The following ZNF415 variants were observed in gnomAD, a reference collection of about 807,000 sequenced individuals.
ZNF415 encodes the protein zinc finger protein 415.
ZNF415 carries 5 observed loss-of-function variants against 7.3 expected under a neutral mutation model. That is an observed-to-expected ratio of 0.69 (90% CI 0.36 to 1.44). The LOEUF (loss-of-function observed/expected upper bound fraction) is 1.44, where lower values mean the gene tolerates loss of function less well. ZNF415 is among the 40% of genes most tolerant of loss of function. ZNF415 has a pLI of 0.04. For missense variants in ZNF415, 628 were observed against 664.8 expected (o/e 0.94, Z 0.61); for synonymous variants, 207 against 226.3 (o/e 0.91, Z 0.77).
At chr19:53,122,421 C>G (rs1471511996) in intron 2 of ZNF415, 4 of 1,537,790 alleles carry the variant, frequency 2.6e-6, no homozygotes, top group East Asian at 2.4e-5. Flanking sequence ...CCATCCATGT[C>G]TGGGTGTGAG....
chr19:53,123,612 A>C (rs2088521865), intron 1 of ZNF415: 1 of 398,968 alleles, frequency 2.5e-6, no homozygotes, highest in East Asian at 3.6e-5. Context: ...GCTGGAGCAG[A>C]GGGAGCGAGG....
intron 2 of ZNF415, among the ~76,000 whole-genome samples, chr19:53,119,240 C>A (rs1473514240): frequency 6.6e-6 from 1 of 151,848 alleles, no homozygotes; most frequent in African/African-American, 2.4e-5. Flanking sequence ...CCAGACCGAG[C>A]CACTGCACTC....
intron 2 of ZNF415, among the ~76,000 whole-genome samples, chr19:53,118,801 T>C (rs1442468680): frequency 6.6e-6 from 1 of 150,888 alleles, no homozygotes; most frequent in Non-Finnish European, 1.5e-5. Context: ...ACAAAAGCAA[T>C]GCTAAGAGGG....
intron 3 of ZNF415, among the ~76,000 whole-genome samples, chr19:53,114,180 G>T (rs1053175037): frequency 6.6e-6 from 1 of 152,008 alleles, no homozygotes; most frequent in African/African-American, 2.4e-5. Flanking sequence ...TCAAAAGCTG[G>T]GTTTGTTTTT....
In ZNF415 at chr19:53,127,320, G is replaced by A. The variant is rs572830040; in HGVS notation, c.-67-4577C>T. Among the ~76,000 whole-genome samples, 9 of 152,302 alleles carry A rather than the reference G, an allele frequency of 5.9e-5. No homozygotes were observed. The South Asian group carries it at 8.3e-4, about 14-fold the overall frequency. ...CCATAAAGGTCAGGCACTGCCTGAG[G>A]ACACAGGGTTTATAGAAGCCCGGCT... On this transcript the variant is annotated intron_variant, in intron 1 of 3. Transcript: ENST00000243643.
intron 2 of ZNF415, among the ~76,000 whole-genome samples, chr19:53,121,162 G>C (rs1221767053): frequency 6.7e-6 from 1 of 149,968 alleles, no homozygotes; most frequent in South Asian, 2.1e-4. Flanking sequence ...TTGGGAGGCC[G>C]AGGCAGGCAG....
chr19:53,122,612 C>T (rs761309565), intron 2 of ZNF415, 50 bp downstream of exon 2: 2 of 1,613,226 alleles, frequency 1.2e-6, no homozygotes, highest in African/African-American at 1.3e-5. Flanking sequence ...TTGTCTCCCA[C>T]CTTTCTGAAA....
chr19:53,113,246 C>CA (rs2086507927), intron 3 of ZNF415, among the ~76,000 whole-genome samples: 1 of 27,782 alleles, frequency 3.6e-5, no homozygotes. Context: ...CGGTGGCTCA[C>CA]GCCTGTAATC....
chr19:53,109,345 G>A lies in ZNF415; in HGVS notation c.700C>T (p.Arg234Cys), dbSNP rs150561707. 100 of 1,614,088 alleles carry A rather than the reference G, an allele frequency of 6.2e-5. No homozygotes were observed. The African/African-American group carries it at 9.3e-4, about 15-fold the overall frequency. The change falls in exon 4 of 4, where the codon CGT becomes TGT. Residue 234 changes from arginine to cysteine, a missense_variant. Coordinates refer to ENST00000243643, the MANE Select transcript of ZNF415 (RefSeq NM_018355.4). Reference sequence around the variant, plus strand: ...TTCTCTCCAGAATGACTTACCTGACGTACAGTCATGTGTGAGCCATGATTC... The same window carrying A: ...TTCTCTCCAGAATGACTTACCTGACATACAGTCATGTGTGAGCCATGATTC... ...ALNHGSHMTVRQVSHSGEKGY... is the reference protein window; with the variant it reads ...ALNHGSHMTVCQVSHSGEKGY...
intron 2 of ZNF415, chr19:53,122,454 T>C (rs2088268054): frequency 3.9e-6 from 6 of 1,542,780 alleles, no homozygotes; most frequent in Admixed American, 3.9e-5. Context: ...CCATGCCCAG[T>C]GGACTCTTCA....
chr19:53,124,379 G>C (rs2146544189), intron 1 of ZNF415: 1 of 151,794 alleles, frequency 6.6e-6, no homozygotes, highest in Middle Eastern at 3.4e-3. Context: ...CAGACAAAAT[G>C]GTGAGAGAGG....
In ZNF415 at chr19:53,108,826, T is replaced by G; in HGVS notation, c.1219A>C (p.Thr407Pro). The G allele has an allele frequency of 6.2e-7, 1 of 1,614,070 alleles. No individual in the cohort carries two copies. The highest frequency in any genetic ancestry group is 8.5e-7 in the Non-Finnish European group (1 of 1,179,978). Residue 407 changes from threonine (T) to proline (P), a missense_variant, in exon 4 of 4, where the codon ACT (threonine) becomes CCT (proline). Coordinates refer to ENST00000243643, the MANE Select transcript of ZNF415 (RefSeq NM_018355.4). ...SSLARHWRIH[T>P]GEKPYKCNEC... Reference sequence around the variant, plus strand: ...TTGCATTTGTAAGGTTTCTCTCCAGTATGAATTCTCCAATGCCTTGCAAGG... The same window carrying G: ...TTGCATTTGTAAGGTTTCTCTCCAGGATGAATTCTCCAATGCCTTGCAAGG...
chr19:53,108,528 C>G lies in ZNF415; in HGVS notation c.1517G>C (p.Ser506Thr). The G allele has an allele frequency of 6.2e-7, 1 of 1,614,124 alleles. No individual in the cohort carries two copies. The highest frequency in any genetic ancestry group is 8.5e-7 in the Non-Finnish European group (1 of 1,179,972). The part of the protein sequence containing the change: ...YKCNECGKSF[S>T]VRPNLTRHQI... Reference sequence around the variant, plus strand: ...ATGTCTAGTGAGGTTTGGGCGCACACTAAAGGATTTGCCACACTCATTACA... The same window carrying G: ...ATGTCTAGTGAGGTTTGGGCGCACAGTAAAGGATTTGCCACACTCATTACA... The change falls in exon 4 of 4, where the codon AGT becomes ACT. Residue 506 changes from serine (S) to threonine (T), a missense_variant. By Grantham distance (58) the Ser-to-Thr change is moderately conservative. Coordinates refer to ENST00000243643, the MANE Select transcript of ZNF415 (RefSeq NM_018355.4).
At chr19:53,124,447 A>G (rs1002309460) in intron 1 of ZNF415, 4 of 152,182 alleles carry the variant, frequency 2.6e-5, no homozygotes, top group African/African-American at 2.4e-5. Flanking sequence ...TCTCAGGGGA[A>G]CTAAGAGTCA....
Position 53,116,001 on chromosome 19 carries a change from C to G in ZNF415, c.136+312G>C, listed in dbSNP as rs1412291795. ...AGGGAAGACTGTAATATGCAAATAT[C>G]TAGCTCCCTTCCAAGAACTACTGAA... is the stretch of plus-strand genomic sequence containing the variant. On this transcript the variant is annotated intron_variant, in intron 3 of 3. Coordinates refer to ENST00000243643, the MANE Select transcript of ZNF415 (RefSeq NM_018355.4). 3 of 620,428 alleles carry G rather than the reference C, an allele frequency of 4.8e-6. No homozygotes were observed. In the Admixed American group the frequency reaches 8.8e-5, roughly 18 times the overall value. 38.4% of individuals were successfully genotyped at this position (620,428 alleles called of 1,614,324 possible).
chr19:53,124,602 C>T (rs775418000), intron 1 of ZNF415, among the ~76,000 whole-genome samples: 1 of 152,130 alleles, frequency 6.6e-6, no homozygotes, highest in Non-Finnish European at 1.5e-5. Flanking sequence ...AACAATTGCA[C>T]ATTCTGAGGC....
Position 53,123,810 on chromosome 19 carries a change from A to G in ZNF415, c.-67-1067T>C, listed in dbSNP as rs1371933759. The G allele has an allele frequency of 1.6e-5, 6 of 376,720 alleles. No individual in the cohort carries two copies. In the East Asian group the frequency reaches 2.3e-4, roughly 14 times the overall value. 23.3% of individuals were successfully genotyped at this position (376,720 alleles called of 1,614,324 possible). On this transcript the variant is annotated intron_variant, in intron 1 of 3. Transcript: ENST00000243643. Reference sequence around the variant, plus strand: ...CCACTTACAATGTAAAATCTTATATATTTGAAAGTCCCACGAAATACATGG... The same window carrying G: ...CCACTTACAATGTAAAATCTTATATGTTTGAAAGTCCCACGAAATACATGG...
At chr19:53,118,767 A>G (rs2087455898) in intron 2 of ZNF415, among the ~76,000 whole-genome samples, 2 of 152,168 alleles carry the variant, frequency 1.3e-5, no homozygotes, top group African/African-American at 2.4e-5. Context: ...TGGAAACACA[A>G]TATGTCAAAA....
intron 3 of ZNF415, among the ~76,000 whole-genome samples, chr19:53,111,620 G>A (rs1177684698): frequency 6.6e-6 from 1 of 152,054 alleles, no homozygotes; most frequent in Non-Finnish European, 1.5e-5. Flanking sequence ...TGGGATTACA[G>A]GCGTGAGCCA....
Sources: allele counts gnomAD v4.1 joint callset (sites outside exome capture counted in the v4.1 genomes callset), GRCh38; gene constraint gnomAD v4.1.1; transcripts MANE v1.5; gene names NCBI Gene and HGNC (gene_info 2026-07-23, HGNC 2026-07-21).